The following ROBO1 variants were observed in gnomAD, a reference collection of about 807,000 sequenced individuals.
ROBO1 encodes the protein roundabout homolog 1.
A neutral mutation model predicts 195.9 loss-of-function variants in ROBO1; 149 were observed. The observed-to-expected ratio is 0.76, with a 90% CI of 0.67 to 0.87. The LOEUF (loss-of-function observed/expected upper bound fraction) is 0.87. ROBO1 is among the 40% of genes least tolerant of loss of function. ROBO1 has a pLI of 0.00. For missense variants in ROBO1, 1,933 were observed against 2,068.3 expected, an observed-to-expected ratio of 0.93 and a Z score of 1.27; for synonymous variants, 816 against 733.2, an observed-to-expected ratio of 1.11 and a Z score of -1.82.
chr3:78,712,292 C>T (rs2081780798), intron 8 of ROBO1, among the ~76,000 whole-genome samples: 1 of 152,126 alleles, frequency 6.6e-6, no homozygotes, highest in African/African-American at 2.4e-5. Context: ...ATGAGCTATA[C>T]ACAAAACACG....
intron 1 of ROBO1, among the ~76,000 whole-genome samples, chr3:79,647,490 G>A (rs1350197202): frequency 6.6e-6 from 1 of 151,956 alleles, no homozygotes; most frequent in African/African-American, 2.4e-5. Flanking sequence ...AATAATCTGG[G>A]GTAATGTTCT....
intron 2 of ROBO1, among the ~76,000 whole-genome samples, chr3:79,196,073 T>C (rs1576800288): frequency 6.6e-6 from 1 of 151,686 alleles, no homozygotes; most frequent in East Asian, 1.9e-4. Context: ...AGTCATAGTC[T>C]TTCCCTGAAA....
chr3:79,229,422 T>C (rs1018868852), intron 2 of ROBO1, among the ~76,000 whole-genome samples: 1 of 152,158 alleles, frequency 6.6e-6, no homozygotes, highest in Non-Finnish European at 1.5e-5. Context: ...GTTAGGGTGT[T>C]AATCTATGTG....
chr3:78,646,007 C>T, intron 21 of ROBO1, 141 bp downstream of exon 21: 1 of 709,700 alleles, frequency 1.4e-6, no homozygotes, highest in Non-Finnish European at 2.4e-6. Flanking sequence ...AACAGCATAG[C>T]TGAATGGAGT....
At chr3:79,169,472 C>T (rs901766819) in intron 2 of ROBO1, among the ~76,000 whole-genome samples, 5 of 151,972 alleles carry the variant, frequency 3.3e-5, no homozygotes, top group Admixed American at 6.6e-5. Context: ...ACACACGTTT[C>T]TTAATATTAC....
At chr3:79,452,234 C>A (rs968704619) in intron 2 of ROBO1, among the ~76,000 whole-genome samples, 5 of 151,870 alleles carry the variant, frequency 3.3e-5, no homozygotes, top group Admixed American at 6.6e-5. Context: ...TTATGTTTTC[C>A]CACTGCTCTT....
chr3:78,854,797 T>C (rs1329776165), intron 4 of ROBO1, among the ~76,000 whole-genome samples: 1 of 152,280 alleles, frequency 6.6e-6, no homozygotes, highest in East Asian at 1.9e-4. Flanking sequence ...AAAAATGCGA[T>C]GAAGATTATA....
At chr3:79,731,421 G>C (rs773823845) in intron 1 of ROBO1, among the ~76,000 whole-genome samples, 67 of 151,996 alleles carry the variant, frequency 4.4e-4, no homozygotes, top group Non-Finnish European at 8.5e-4. Context: ...GCTTGGATGG[G>C]GCCTGGGTAT....
chr3:78,799,667 C>T (rs1291004071), intron 4 of ROBO1, among the ~76,000 whole-genome samples: 1 of 152,090 alleles, frequency 6.6e-6, no homozygotes, highest in African/African-American at 2.4e-5. Flanking sequence ...GAATACTTTG[C>T]TTGTTTTTTT....
chr3:79,020,815 T>C lies in ROBO1; in HGVS notation c.173-81888A>G, dbSNP rs116279204. On this transcript the variant is annotated intron_variant, in intron 3 of 30. Transcript: ENST00000464233. ...TACCATAACTTCAAAAAAAATTATT[T>C]GGTGTCTAGCAGTACATGTAAGAAG... Among the ~76,000 whole-genome samples the C allele has an allele frequency of 3.6e-3, 544 of 152,280 alleles. 7 individuals carry two copies. Among genetic ancestry groups the C allele is most frequent in the African/African-American group, 0.012 (504 of 41,556 alleles).
chr3:78,974,279 GA>G (rs2076837381), intron 3 of ROBO1, among the ~76,000 whole-genome samples: 2 of 151,934 alleles, frequency 1.3e-5, no homozygotes, highest in Admixed American at 1.3e-4. Flanking sequence ...CAAAGAGGGA[GA>G]GAGAACGAAA....
At chr3:79,456,132 AT>A (rs2039612717) in intron 2 of ROBO1, among the ~76,000 whole-genome samples, 1 of 152,140 alleles carries the variant, frequency 6.6e-6, no homozygotes, top group Non-Finnish European at 1.5e-5. Context: ...AATGTCCTTC[AT>A]TTCTACCACC....
intron 8 of ROBO1, among the ~76,000 whole-genome samples, chr3:78,711,379 C>T (rs1380951452): frequency 1.3e-4 from 4 of 30,128 alleles, no homozygotes; most frequent in Admixed American, 3.3e-4. Flanking sequence ...TCCTTCCTTC[C>T]TTCCTTCCTT....
In ROBO1 at chr3:78,636,125, G is replaced by A. The variant is rs753142512; in HGVS notation, c.3038-17C>T. 1.7e-5 allele frequency: 26 copies of A among 1,541,282 alleles called. No individual in the cohort carries two copies. The highest frequency in any genetic ancestry group is 6.9e-5 in the African/African-American group (5 of 72,550). ...TACAATCAGCTATGTGCAATGGAGA[G>A]GAAAAGGAAAAAATCATTCTGCGTG... On this transcript the variant is annotated splice_polypyrimidine_tract_variant and intron_variant, in intron 22 of 30. Coordinates refer to ENST00000464233, the MANE Select transcript of ROBO1 (RefSeq NM_002941.4).
At chr3:79,381,957 A>C (rs2036589736) in intron 2 of ROBO1, among the ~76,000 whole-genome samples, 1 of 152,030 alleles carries the variant, frequency 6.6e-6, no homozygotes, top group Non-Finnish European at 1.5e-5. Flanking sequence ...CATTTTTCAC[A>C]ATCATTTTCT....
chr3:79,191,568 T>G (rs2081540842), intron 2 of ROBO1, among the ~76,000 whole-genome samples: 1 of 151,414 alleles, frequency 6.6e-6, no homozygotes, highest in East Asian at 1.9e-4. Flanking sequence ...AAATATAAAT[T>G]ATTAATATAC....
At chr3:78,748,258 C>A (rs9822781) in intron 4 of ROBO1, among the ~76,000 whole-genome samples, 15,240 of 151,972 alleles carry the variant, frequency 0.1, 1,407 homozygotes, top group African/African-American at 0.24. Context: ...CCAGCCTGAC[C>A]AACATGGAGA....
intron 2 of ROBO1, among the ~76,000 whole-genome samples, chr3:79,192,721 A>G (rs2081562485): frequency 6.6e-6 from 1 of 151,628 alleles, no homozygotes; most frequent in Non-Finnish European, 1.5e-5. Flanking sequence ...AGAAGTAGGA[A>G]TCTGCTGAAA....
At chr3:79,670,363 T>C (rs1946597150) in intron 1 of ROBO1, among the ~76,000 whole-genome samples, 1 of 151,844 alleles carries the variant, frequency 6.6e-6, no homozygotes, top group Non-Finnish European at 1.5e-5. Context: ...AATGGTCTTT[T>C]ATATGAAATT....
Sources: gnomAD v4.1 joint callset for allele counts (sites outside exome capture counted in the v4.1 genomes callset) on GRCh38, gnomAD v4.1.1 for gene constraint, MANE v1.5 for transcripts, NCBI Gene and HGNC (gene_info 2026-07-23, HGNC 2026-07-21) for gene names.